CNTNAP2: variants seen among roughly 807,000 people sequenced by gnomAD.
CNTNAP2 encodes the protein contactin associated protein 2, also known as contactin-associated protein-like 2.
Under a neutral mutation model 155.2 loss-of-function variants are expected in CNTNAP2, and 98 were observed. The ratio of observed to expected loss-of-function variants is 0.63; its 90% CI spans 0.54 to 0.75. The LOEUF (loss-of-function observed/expected upper bound fraction) is 0.75, where lower values mean the gene tolerates loss of function less well. Among genes scored for constraint, CNTNAP2 ranks in the 30% least tolerant of loss-of-function variants. The pLI is 0.00. For missense variants in CNTNAP2, 1,727 were observed against 1,688.1 expected, an observed-to-expected ratio of 1.02 and a Z score of -0.40; for synonymous variants, 651 against 631.2, an observed-to-expected ratio of 1.03 and a Z score of -0.47.
At chr7:146,587,808 C>T (rs755760608) in intron 1 of CNTNAP2, among the ~76,000 whole-genome samples, 14 of 151,678 alleles carry the variant, frequency 9.2e-5, no homozygotes, top group Non-Finnish European at 1.8e-4. Context: ...GAGTAGCCTC[C>T]GGATTACAGG....
intron 2 of CNTNAP2, among the ~76,000 whole-genome samples, chr7:146,831,669 CAAAAAAA>C (rs531970313): frequency 4.2e-4 from 7 of 16,820 alleles, no homozygotes; most frequent in African/African-American, 1.2e-3. Flanking sequence ...AGCAAGACGC[CAAAAAAA>C]AAAAAAAAAA....
At chr7:147,859,868 T>A (rs12539201) in intron 13 of CNTNAP2, among the ~76,000 whole-genome samples, 24,350 of 152,178 alleles carry the variant, frequency 0.16, 2,072 homozygotes, top group Admixed American at 0.21. Flanking sequence ...AATAGATGAT[T>A]TAGGTCTTAC....
chr7:146,721,812 C>CTATA (rs1801333298), intron 1 of CNTNAP2, among the ~76,000 whole-genome samples: 1 of 107,256 alleles, frequency 9.3e-6, no homozygotes, highest in South Asian at 2.7e-4. Context: ...TATATATAGT[C>CTATA]TATATATGTA....
chr7:147,579,697 T>C (rs1358738686), intron 12 of CNTNAP2, among the ~76,000 whole-genome samples: 4 of 152,206 alleles, frequency 2.6e-5, no homozygotes, highest in Non-Finnish European at 5.9e-5. Flanking sequence ...TTTAAAATCT[T>C]ATTCTCATTC....
At chr7:146,166,457 AT>A (rs1391109776) in intron 1 of CNTNAP2, among the ~76,000 whole-genome samples, 1 of 152,098 alleles carries the variant, frequency 6.6e-6, no homozygotes, top group Non-Finnish European at 1.5e-5. Context: ...CAAAAAGCTA[AT>A]TTGTTTTGAA....
intron 9 of CNTNAP2, among the ~76,000 whole-genome samples, chr7:147,331,744 G>C (rs764499370): frequency 6.6e-6 from 1 of 152,134 alleles, no homozygotes; most frequent in African/African-American, 2.4e-5. Flanking sequence ...AAGACTCATC[G>C]AGATTACTAG....
intron 1 of CNTNAP2, among the ~76,000 whole-genome samples, chr7:146,581,060 TCTTAAGCAACTTTAAAC>T (rs1422213591): frequency 6.6e-6 from 1 of 152,120 alleles, no homozygotes; most frequent in African/African-American, 2.4e-5. Context: ...AAATTCTGGG[TCTTAAGCAACTTTAAAC>T]CTTTCAAGGA....
intron 1 of CNTNAP2, among the ~76,000 whole-genome samples, chr7:146,377,618 A>C (rs1472221380): frequency 6.6e-6 from 1 of 152,160 alleles, no homozygotes. Flanking sequence ...GCCACTCTCT[A>C]CAGCCACTTG....
chr7:148,221,011 G>T (rs534228328), intron 19 of CNTNAP2, among the ~76,000 whole-genome samples: 183 of 152,002 alleles, frequency 1.2e-3, no homozygotes, highest in African/African-American at 4.2e-3. Flanking sequence ...TACTTTTATT[G>T]TCTGCTCCTC....
At chr7:146,759,710 A>AGG (rs1392601326) in intron 1 of CNTNAP2, among the ~76,000 whole-genome samples, 1 of 135,818 alleles carries the variant, frequency 7.4e-6, no homozygotes, top group African/African-American at 2.9e-5. Flanking sequence ...AAAAAAAAAA[A>AGG]AGGTGGGTGG....
At chr7:147,449,696 T>TG (rs1267816049) in intron 10 of CNTNAP2, among the ~76,000 whole-genome samples, 1 of 152,048 alleles carries the variant, frequency 6.6e-6, no homozygotes, top group East Asian at 1.9e-4. Context: ...TGATTTAAGG[T>TG]GGAAAAAAAA....
intron 15 of CNTNAP2, among the ~76,000 whole-genome samples, chr7:148,096,205 A>G (rs928853850): frequency 6.6e-6 from 1 of 151,832 alleles, no homozygotes; most frequent in Non-Finnish European, 1.5e-5. Flanking sequence ...TTTTTGTTCC[A>G]CTATGTTATT....
At chr7:146,845,495 A>G (rs1803824062) in intron 3 of CNTNAP2, among the ~76,000 whole-genome samples, 1 of 152,188 alleles carries the variant, frequency 6.6e-6, no homozygotes, top group South Asian at 2.1e-4. Flanking sequence ...CAAGCTATTA[A>G]GATTAGAAAC....
At chr7:146,721,396 TAC>T (rs1801307021) in intron 1 of CNTNAP2, among the ~76,000 whole-genome samples, 3 of 129,310 alleles carry the variant, frequency 2.3e-5, no homozygotes, top group African/African-American at 6.0e-5. Context: ...ACATTCTATA[TAC>T]ATTCTATATA....
intron 3 of CNTNAP2, among the ~76,000 whole-genome samples, chr7:146,876,952 AT>A (rs1443376229): frequency 6.6e-6 from 1 of 152,108 alleles, no homozygotes. Context: ...ATATTTCACT[AT>A]TTAGGTTATT....
intron 3 of CNTNAP2, among the ~76,000 whole-genome samples, chr7:147,032,956 G>A (rs897258866): frequency 2.6e-5 from 4 of 151,542 alleles, no homozygotes; most frequent in African/African-American, 4.8e-5. Context: ...TAAAGAGAAG[G>A]AATCAAGAAT....
chr7:146,994,716 C>T (rs1347356991), intron 3 of CNTNAP2, among the ~76,000 whole-genome samples: 5 of 152,064 alleles, frequency 3.3e-5, no homozygotes, highest in Admixed American at 2.0e-4. Flanking sequence ...ATTTAAAACT[C>T]TCACACACAT....
Position 146,643,477 on chromosome 7 carries a change from C to G in CNTNAP2, c.98-130794C>G, listed in dbSNP as rs568650868. Among the ~76,000 whole-genome samples the G allele has an allele frequency of 6.0e-4, 91 of 152,118 alleles. 1 individual carries two copies. In the East Asian group the frequency reaches 0.017, roughly 28 times the overall value. On this transcript the variant is annotated intron_variant, in intron 1 of 23. Coordinates refer to ENST00000361727, the MANE Select transcript of CNTNAP2 (RefSeq NM_014141.6). ...CAAAGATCAGATAGTTGTAGATATGCAGCGTTATTTCTGAGGGCTGTGTTC... is the reference window on the plus strand; with the variant it reads ...CAAAGATCAGATAGTTGTAGATATGGAGCGTTATTTCTGAGGGCTGTGTTC...
At chr7:147,738,558 A>T (rs949153568) in intron 13 of CNTNAP2, among the ~76,000 whole-genome samples, 1 of 152,164 alleles carries the variant, frequency 6.6e-6, no homozygotes, top group African/African-American at 2.4e-5. Context: ...GCATTTTTTT[A>T]GCAATGAAGC....
Sources: gnomAD v4.1 joint callset for allele counts (sites outside exome capture counted in the v4.1 genomes callset) on GRCh38, gnomAD v4.1.1 for gene constraint, MANE v1.5 for transcripts, NCBI Gene and HGNC (gene_info 2026-07-23, HGNC 2026-07-21) for gene names.